Variants in ABCA13 observed in about 807,000 individuals in gnomAD.
The protein encoded by ABCA13 is ATP-binding cassette sub-family A member 13.
In ABCA13, 476 loss-of-function variants were observed where a neutral mutation model predicts 478.7. The observed-to-expected ratio is 0.99, with a 90% CI of 0.92 to 1.07. The LOEUF (loss-of-function observed/expected upper bound fraction) is 1.07, where lower values mean the gene tolerates loss of function less well. Ranked by LOEUF, ABCA13 falls within the 50% of genes least tolerant of loss-of-function variation. ABCA13 has a pLI of 0.00. For missense variants in ABCA13, 6,060 were observed against 5,910.6 expected, an observed-to-expected ratio of 1.03 and a Z score of -0.83; for synonymous variants, 2,252 against 2,158.9, an observed-to-expected ratio of 1.04 and a Z score of -1.20.
Position 48,189,693 on chromosome 7 carries a change from C to T in ABCA13, c.70-3266C>T, listed in dbSNP as rs549048510. Among the ~76,000 whole-genome samples the T allele has an allele frequency of 4.6e-5, 7 of 152,252 alleles. No homozygotes were observed. In the South Asian group the frequency reaches 1.2e-3, roughly 27 times the overall value. On this transcript the variant is annotated intron_variant, in intron 1 of 61. Coordinates refer to ENST00000435803, the MANE Select transcript of ABCA13 (RefSeq NM_152701.5). ...AATATTTGTGATTTTAGAGTTACTACTATTTTAATTTGGCTTTGGCAGGGT... is the reference window on the plus strand; with the variant it reads ...AATATTTGTGATTTTAGAGTTACTATTATTTTAATTTGGCTTTGGCAGGGT...
chr7:48,590,908 C>T (rs775688493), intron 57 of ABCA13, among the ~76,000 whole-genome samples: 1 of 151,944 alleles, frequency 6.6e-6, no homozygotes, highest in African/African-American at 2.4e-5. Context: ...AATATTTTAT[C>T]CCCCGCTGTA....
chr7:48,376,484 C>G lies in ABCA13; in HGVS notation c.11247C>G (p.Gly3749=). The change falls in exon 35 of 62, where the codon GGC becomes GGG. Residue 3749 remains glycine (G), a synonymous_variant. Transcript: ENST00000435803. ...TGTACCAGGCTCTGGAACAAGGGGG[C>G]ATGACATTTGGCTGGGTTTGCTGGA... The part of the protein sequence containing the change: ...NNMYQALEQG[G]MTFGWVCWMI... The G allele has an allele frequency of 6.2e-7, 1 of 1,613,864 alleles. No individual in the cohort carries two copies. Among genetic ancestry groups the G allele is most frequent in the Non-Finnish European group, 8.5e-7 (1 of 1,179,830 alleles).
At chr7:48,256,780 G>A (rs1288773141) in intron 15 of ABCA13, among the ~76,000 whole-genome samples, 3 of 152,128 alleles carry the variant, frequency 2.0e-5, no homozygotes, top group Non-Finnish European at 2.9e-5. Flanking sequence ...TTTTGCTTAC[G>A]ATTGCCTTGG....
In ABCA13 at chr7:48,364,370, C is replaced by T. The variant is rs552192539; in HGVS notation, c.10689-3424C>T. On this transcript the variant is annotated intron_variant, in intron 31 of 61. Coordinates refer to ENST00000435803, the MANE Select transcript of ABCA13 (RefSeq NM_152701.5). ...TGTGTACAATGTGTGATAATCAAAT[C>T]AGGGTAATTGAGATAGCCATCACTT... 2.6e-5 allele frequency among the ~76,000 whole-genome samples: 4 copies of T among 152,226 alleles called. 1 individual carries two copies. The South Asian group carries it at 8.3e-4, about 32-fold the overall frequency.
At chr7:48,437,248 T>C (rs1477883003) in intron 42 of ABCA13, among the ~76,000 whole-genome samples, 1 of 152,054 alleles carries the variant, frequency 6.6e-6, no homozygotes, top group Non-Finnish European at 1.5e-5. Context: ...GTGAATTGAC[T>C]CTTTTTTTAA....
At chr7:48,238,374 A>G (rs1790280183) in intron 8 of ABCA13, among the ~76,000 whole-genome samples, 1 of 152,198 alleles carries the variant, frequency 6.6e-6, no homozygotes, top group Non-Finnish European at 1.5e-5. Flanking sequence ...TGGCATTATA[A>G]TTGTTGTAAA....
chr7:48,176,109 T>A (rs1037247353), intron 1 of ABCA13, among the ~76,000 whole-genome samples: 1 of 152,204 alleles, frequency 6.6e-6, no homozygotes, highest in Non-Finnish European at 1.5e-5. Flanking sequence ...TCCAGGATCC[T>A]ACATCTGTTG....
At chr7:48,323,317 T>C (rs1584841608) in intron 27 of ABCA13, among the ~76,000 whole-genome samples, 1 of 152,196 alleles carries the variant, frequency 6.6e-6, no homozygotes, top group Non-Finnish European at 1.5e-5. Flanking sequence ...GCAGTGGCTG[T>C]TGAATAAGTT....
rs1343397936 is a variant in ABCA13 at position 48,276,075 on chromosome 7, G to T, written c.6409G>T (p.Asp2137Tyr). The T allele has an allele frequency of 6.2e-7, 1 of 1,604,516 alleles. No individual in the cohort carries two copies. Among genetic ancestry groups the T allele is most frequent in the Non-Finnish European group, 8.5e-7 (1 of 1,174,992 alleles). Reference sequence around the variant, plus strand: ...CTGGCTTCAGGAATATGCAAATGAGGATTACTCCAGAATGATAGAAACATT... The same window carrying T: ...CTGGCTTCAGGAATATGCAAATGAGTATTACTCCAGAATGATAGAAACATT... Reference protein sequence around the residue: ...KNWLQEYANEDYSRMIETLFI... With the variant: ...KNWLQEYANEYYSRMIETLFI... The change falls in exon 17 of 62, where the codon GAT (aspartate) becomes TAT (tyrosine). Residue 2137 changes from aspartate to tyrosine, a missense_variant. Around this residue, in one of 3 missense-constraint regions of ABCA13, gnomAD observed 4,423 missense variants for 4,309.1 expected, o/e 1.03. Transcript: ENST00000435803.
rs771860339 is a variant in ABCA13, at chr7:48,279,627, A to G, written c.8433A>G (p.Gln2811=). 5.0e-6 allele frequency: 8 copies of G among 1,612,528 alleles called. No homozygotes were observed. Among genetic ancestry groups the G allele is most frequent in the African/African-American group, 2.7e-5 (2 of 74,846 alleles). The change falls in exon 18 of 62, where the codon CAA becomes CAG. Residue 2811 remains glutamine (Q), a synonymous_variant. Transcript: ENST00000435803. ...TGAGTCAGAATATAACTCATCATCA[A>G]CTTGAAAAAGCAATCCATAATGTTT... ...TPLSQNITHH[Q]LEKAIHNVLS...
intron 24 of ABCA13, 44 bp downstream of exon 24, chr7:48,310,185 T>A (rs781347403): frequency 5.1e-6 from 8 of 1,560,230 alleles, no homozygotes; most frequent in Non-Finnish European, 7.0e-6. Flanking sequence ...TGCAGGACTC[T>A]GCTGTGGTGG....
chr7:48,259,538 A>G (rs934350997), intron 15 of ABCA13, among the ~76,000 whole-genome samples: 1 of 151,912 alleles, frequency 6.6e-6, no homozygotes, highest in Non-Finnish European at 1.5e-5. Flanking sequence ...ATGGCGTCTT[A>G]CTTCTTTATC....
chr7:48,349,300 AC>A (rs1563097469), intron 29 of ABCA13, among the ~76,000 whole-genome samples: 4 of 152,214 alleles, frequency 2.6e-5, no homozygotes, highest in African/African-American at 9.6e-5. Context: ...ATAATGAATA[AC>A]AGTCTTTTCT....
At chr7:48,624,097 TGTGG>T (rs1793433130) in intron 59 of ABCA13, among the ~76,000 whole-genome samples, 1 of 148,704 alleles carries the variant, frequency 6.7e-6, no homozygotes. Flanking sequence ...TGTGTGTGTG[TGTGG>T]CTCAGTTAAT....
chr7:48,212,765 C>T (rs1313621046), intron 3 of ABCA13, among the ~76,000 whole-genome samples: 1 of 151,940 alleles, frequency 6.6e-6, no homozygotes, highest in East Asian at 1.9e-4. Context: ...ATATTTTATG[C>T]AATTGATTTT....
intron 42 of ABCA13, among the ~76,000 whole-genome samples, chr7:48,433,454 T>G (rs1176148934): frequency 6.7e-6 from 1 of 148,976 alleles, no homozygotes; most frequent in East Asian, 1.9e-4. Flanking sequence ...ATATATAATA[T>G]AAGTACATAT....
In ABCA13 at chr7:48,229,844, G is replaced by T. The variant is rs1250802648; in HGVS notation, c.652G>T (p.Asp218Tyr). 1 of 1,613,980 alleles carries T rather than the reference G, an allele frequency of 6.2e-7. No individual in the cohort carries two copies. The highest frequency in any genetic ancestry group is 1.1e-5 in the South Asian group (1 of 91,072). Residue 218 changes from aspartate (D) to tyrosine (Y), a missense_variant, in exon 7 of 62, where the codon GAT (aspartate) becomes TAT (tyrosine). By Grantham distance (160) the Asp-to-Tyr change is radical. Coordinates refer to ENST00000435803, the MANE Select transcript of ABCA13 (RefSeq NM_152701.5). ...TILNSLISLE[D>Y]LDWLPLNQTF... The stretch of plus-strand genomic sequence containing the variant: ...TTCTAGTTCCTTAATATCCCTAGAA[G>T]ATTTAGATTGGCTTCCACTCAACCA...
intron 15 of ABCA13, among the ~76,000 whole-genome samples, chr7:48,266,353 C>T (rs1201465615): frequency 6.6e-6 from 1 of 151,594 alleles, no homozygotes; most frequent in African/African-American, 2.4e-5. Flanking sequence ...TATTATTTCT[C>T]ACTTAAATGT....
chr7:48,338,610 C>T (rs1806641474), intron 29 of ABCA13, among the ~76,000 whole-genome samples, 155 bp downstream of exon 29: 1 of 152,178 alleles, frequency 6.6e-6, no homozygotes, highest in African/African-American at 2.4e-5. Context: ...TCCTGAAGGG[C>T]TTGAACTAAA....
Sources: allele counts gnomAD v4.1 joint callset (sites outside exome capture counted in the v4.1 genomes callset), GRCh38; gene constraint gnomAD v4.1.1; regional missense constraint gnomAD v4.1.1; transcripts MANE v1.5; gene names NCBI Gene and HGNC (gene_info 2026-07-23, HGNC 2026-07-21).